Variants in MRPS22 observed in about 807,000 individuals in gnomAD.
MRPS22 encodes small ribosomal subunit protein mS22.
A neutral mutation model predicts 44.0 loss-of-function variants in MRPS22; 30 were observed. The observed-to-expected ratio is 0.68, with a 90% CI of 0.51 to 0.93. MRPS22 has a LOEUF of 0.93. Ranked by LOEUF, MRPS22 falls within the 40% of genes least tolerant of loss-of-function variation. The pLI, the probability that MRPS22 is intolerant of heterozygous loss-of-function variation, is 0.00. For missense variants in MRPS22, 447 were observed against 447.8 expected (o/e 1.00, Z 0.02); for synonymous variants, 165 against 154.4 (o/e 1.07, Z -0.51).
chr3:139,345,271 T>C (rs1290259304), intron 1 of MRPS22, among the ~76,000 whole-genome samples: 1 of 152,142 alleles, frequency 6.6e-6, no homozygotes, highest in African/African-American at 2.4e-5. Flanking sequence ...TTTAAAGAGA[T>C]TACTCTGGTT....
intron 2 of MRPS22, 78 bp from the exon 3 acceptor site, chr3:139,348,082 T>C: frequency 6.9e-7 from 1 of 1,458,662 alleles, no homozygotes; most frequent in African/African-American, 1.4e-5. Flanking sequence ...GCATTTTTTA[T>C]TAGTATGTGC....
At chr3:139,349,008 T>C (rs1560006431) in intron 3 of MRPS22, 1 of 248,908 alleles carries the variant, frequency 4.0e-6, no homozygotes, top group South Asian at 4.5e-5. Flanking sequence ...TATAGAATGC[T>C]GAGTTTAGGA....
intron 2 of MRPS22, 109 bp from the exon 3 acceptor site, chr3:139,348,051 T>G: frequency 8.6e-7 from 1 of 1,162,954 alleles, no homozygotes; most frequent in Non-Finnish European, 1.2e-6. Context: ...TGGCTACACC[T>G]TCTTTTCTAT....
intron 1 of MRPS22, chr3:139,344,466 C>T: frequency 1.6e-6 from 1 of 612,486 alleles, no homozygotes; most frequent in East Asian, 2.7e-5. Context: ...CTGACACAGA[C>T]ATTTCCCTGT....
chr3:139,344,443 T>C, intron 1 of MRPS22: 1 of 617,660 alleles, frequency 1.6e-6, no homozygotes, highest in African/African-American at 1.8e-5. Flanking sequence ...CTGTGGGATA[T>C]GGCAAACTAA....
At chr3:139,350,430 CTT>C (rs987039315) in intron 4 of MRPS22, 108 bp downstream of exon 4, 3,081 of 1,009,880 alleles carry the variant, frequency 3.1e-3, no homozygotes, top group Non-Finnish European at 3.3e-3. Context: ...GATAACTTGA[CTT>C]TTTTTTTTTT....
chr3:139,347,181 A>T, intron 2 of MRPS22, 137 bp downstream of exon 2: 1 of 1,052,890 alleles, frequency 9.5e-7, no homozygotes. Context: ...GAACTGAGAA[A>T]AGAAATGTGA....
intron 4 of MRPS22, 106 bp downstream of exon 4, chr3:139,350,428 G>A (rs954434873): frequency 6.8e-5 from 88 of 1,297,106 alleles, no homozygotes; most frequent in Non-Finnish European, 9.2e-5. Context: ...ATGATAACTT[G>A]ACTTTTTTTT....
At position 139,346,081 on chromosome 3, in the gene MRPS22, GGCTGA is replaced by G. The variant is rs375967149; in HGVS notation, c.173-793_173-789del. Among the ~76,000 whole-genome samples the G allele has an allele frequency of 2.3e-4, 35 of 152,294 alleles. 1 individual carries two copies. In the South Asian group the frequency reaches 7.3e-3, roughly 32 times the overall value. On this transcript the variant is annotated intron_variant, in intron 1 of 7. Coordinates refer to ENST00000680020, the MANE Select transcript of MRPS22 (RefSeq NM_020191.4). Reference sequence around the variant, plus strand: ...GCAAAGCAATAAGCAAACTGCATGAGGCTGAGCTAAGATTTGATTCTCTGCTTATG... The same window carrying G: ...GCAAAGCAATAAGCAAACTGCATGAGGCTAAGATTTGATTCTCTGCTTATG...
chr3:139,344,985 TTAAATA>T (rs1941011486), intron 1 of MRPS22, among the ~76,000 whole-genome samples: 1 of 151,884 alleles, frequency 6.6e-6, no homozygotes, highest in Non-Finnish European at 1.5e-5. Context: ...TAGTATGGAG[TTAAATA>T]TAAAGTGAGG....
At chr3:139,345,323 A>G (rs1314662332) in intron 1 of MRPS22, among the ~76,000 whole-genome samples, 1 of 152,138 alleles carries the variant, frequency 6.6e-6, no homozygotes, top group African/African-American at 2.4e-5. Context: ...GAATGGAGAA[A>G]GGGAGGCTGA....
rs544369132 is a variant in MRPS22 at position 139,348,322 on chromosome 3, C to T, written c.502C>T (p.Arg168Trp). The T allele has an allele frequency of 1.5e-5, 25 of 1,613,512 alleles. No homozygotes were observed. Among genetic ancestry groups the T allele is most frequent in the East Asian group, 8.9e-5 (4 of 44,866 alleles). Residue 168 changes from arginine to tryptophan, a missense_variant and splice_region_variant, in exon 3 of 8, where the codon CGG becomes TGG. Coordinates refer to ENST00000680020, the MANE Select transcript of MRPS22 (RefSeq NM_020191.4). The part of the protein sequence containing the change: ...FTDISYSIPH[R>W]ERFIVVREPS... ...TGATATATCATATAGCATACCACAC[C>T]GGGTGAGTATATGTCTAATCGCAAA...
At chr3:139,356,734 T>C (rs1208875275) in intron 7 of MRPS22, among the ~76,000 whole-genome samples, 185 bp from the exon 8 acceptor site, 3 of 151,572 alleles carry the variant, frequency 2.0e-5, no homozygotes, top group Non-Finnish European at 4.4e-5. Flanking sequence ...GTGTTGGGTA[T>C]TGTTTTTCTG....
chr3:139,345,886 T>C (rs1007522732), intron 1 of MRPS22, among the ~76,000 whole-genome samples: 1 of 152,124 alleles, frequency 6.6e-6, no homozygotes, highest in African/African-American at 2.4e-5. Context: ...ATAAAGGTAA[T>C]TGAAGTCGTG....
chr3:139,357,128 T>A lies in MRPS22; in HGVS notation c.*114T>A. ...AAAGATATCAATTTGTAGTTCTCCC[T>A]ACAAAGCAAAAATTATTACCCTACT... is the stretch of plus-strand genomic sequence containing the variant. On this transcript the variant is annotated 3_prime_UTR_variant, in exon 8 of 8. Transcript: ENST00000680020. The A allele has an allele frequency of 1.1e-6, 1 of 877,316 alleles. No individual in the cohort carries two copies. Among genetic ancestry groups the A allele is most frequent in the South Asian group, 1.6e-5 (1 of 64,250 alleles). The allele number at this position is 877,316 out of a possible 1,614,324, so 54.3% of individuals were successfully genotyped here.
chr3:139,355,813 G>C, intron 7 of MRPS22, 23 bp downstream of exon 7: 2 of 1,572,800 alleles, frequency 1.3e-6, no homozygotes, highest in Non-Finnish European at 1.7e-6. Context: ...TTTCATATTG[G>C]TTGTTTTGTG....
chr3:139,346,305 C>T (rs1462504250), intron 1 of MRPS22, among the ~76,000 whole-genome samples: 2 of 152,114 alleles, frequency 1.3e-5, no homozygotes. Flanking sequence ...TCTTCCTCTG[C>T]AATCACCCAA....
intron 1 of MRPS22, among the ~76,000 whole-genome samples, chr3:139,345,024 C>G (rs1941012558): frequency 6.6e-6 from 1 of 152,058 alleles, no homozygotes; most frequent in African/African-American, 2.4e-5. Flanking sequence ...AAAATGGTAA[C>G]TAAAGGTGAG....
intron 1 of MRPS22, among the ~76,000 whole-genome samples, chr3:139,346,330 CTGT>C (rs939783779): frequency 5.9e-5 from 9 of 152,196 alleles, no homozygotes; most frequent in African/African-American, 2.2e-4. Flanking sequence ...CGTACCTCTC[CTGT>C]ATACCATACC....
Sources: allele counts gnomAD v4.1 joint callset (sites outside exome capture counted in the v4.1 genomes callset), GRCh38; gene constraint gnomAD v4.1.1; transcripts MANE v1.5; gene names NCBI Gene and HGNC (gene_info 2026-07-23, HGNC 2026-07-21).